Variants in FMN1 observed in about 807,000 individuals in gnomAD.
FMN1 encodes formin 1, also known as formin-1.
A neutral mutation model predicts 132.4 loss-of-function variants in FMN1; 110 were observed. The observed-to-expected ratio is 0.83, with a 90% CI of 0.71 to 0.97. The LOEUF (loss-of-function observed/expected upper bound fraction) is 0.97, where lower values mean the gene tolerates loss of function less well. FMN1 is among the 50% of genes least tolerant of loss of function. The pLI, the probability that FMN1 is intolerant of heterozygous loss-of-function variation, is 0.00. For synonymous variants in FMN1, 722 were observed against 651.7 expected (o/e 1.11, Z -1.64); for missense variants, 1,792 against 1,705.3 (o/e 1.05, Z -0.90).
At chr15:33,124,134 T>A (rs544437246) in intron 4 of FMN1, among the ~76,000 whole-genome samples, 4 of 152,274 alleles carry the variant, frequency 2.6e-5, no homozygotes, top group South Asian at 2.1e-4. Flanking sequence ...TTGAGGATCA[T>A]CTCTAGATCC....
intron 4 of FMN1, among the ~76,000 whole-genome samples, chr15:33,093,700 A>AG (rs1255576814): frequency 6.6e-6 from 1 of 152,186 alleles, no homozygotes; most frequent in South Asian, 2.1e-4. Flanking sequence ...AGAAATGATG[A>AG]ATGAGCAAAG....
intron 4 of FMN1, among the ~76,000 whole-genome samples, chr15:33,089,722 G>C (rs1381102152): frequency 6.6e-6 from 1 of 152,176 alleles, no homozygotes; most frequent in African/African-American, 2.4e-5. Flanking sequence ...CATAAAATCA[G>C]TAAATGGTTA....
intron 16 of FMN1, among the ~76,000 whole-genome samples, chr15:32,875,663 C>G (rs1390271300): frequency 6.6e-6 from 1 of 152,156 alleles, no homozygotes; most frequent in Non-Finnish European, 1.5e-5. Flanking sequence ...ACTCCAGTCC[C>G]CTTTGCAGGG....
chr15:32,981,518 A>AAATAATAATAATAATAATAATAAT (rs34776483), intron 7 of FMN1, among the ~76,000 whole-genome samples: 1 of 140,634 alleles, frequency 7.1e-6, no homozygotes, highest in African/African-American at 2.7e-5. Flanking sequence ...ACTCCATCTC[A>AAATAATAATAATAATAATAATAAT]AATAATAATA....
intron 19 of FMN1, among the ~76,000 whole-genome samples, chr15:32,798,216 A>ACACCCC (rs1286307994): frequency 1.1e-4 from 16 of 140,986 alleles, no homozygotes; most frequent in Middle Eastern, 3.6e-3. Context: ...ACACACACAC[A>ACACCCC]CCCCGTCTAT....
At chr15:33,045,624 TGGACTG>T (rs1187419320) in intron 6 of FMN1, among the ~76,000 whole-genome samples, 1 of 152,200 alleles carries the variant, frequency 6.6e-6, no homozygotes, top group East Asian at 1.9e-4. Flanking sequence ...TGACAGAAAC[TGGACTG>T]GGTCCAGGAT....
At chr15:33,170,788 G>A (rs1480070015) in intron 3 of FMN1, among the ~76,000 whole-genome samples, 1 of 152,102 alleles carries the variant, frequency 6.6e-6, no homozygotes, top group Admixed American at 6.5e-5. Flanking sequence ...ACTGTTGGTG[G>A]AAATGCAAAT....
chr15:33,050,724 A>G (rs559709028), intron 6 of FMN1, among the ~76,000 whole-genome samples: 1 of 152,368 alleles, frequency 6.6e-6, no homozygotes, highest in African/African-American at 2.4e-5. Flanking sequence ...CAGTCCTATC[A>G]AGGTACTCAC....
intron 6 of FMN1, chr15:33,013,146 G>A: frequency 2.5e-6 from 1 of 392,358 alleles, no homozygotes; most frequent in East Asian, 7.0e-5. Context: ...CAACAGGTTT[G>A]TGAACTCAGC....
At chr15:33,174,678 A>G (rs1488331322) in intron 3 of FMN1, among the ~76,000 whole-genome samples, 1 of 152,230 alleles carries the variant, frequency 6.6e-6, no homozygotes, top group Non-Finnish European at 1.5e-5. Flanking sequence ...TTCTAGCCCC[A>G]ATACTAGCCA....
At chr15:33,069,502 T>C (rs968723905) in intron 5 of FMN1, among the ~76,000 whole-genome samples, 1 of 152,190 alleles carries the variant, frequency 6.6e-6, no homozygotes, top group African/African-American at 2.4e-5. Flanking sequence ...AAAATGGAAA[T>C]GGTAGCCATA....
At chr15:33,124,177 G>A (rs575202638) in intron 4 of FMN1, among the ~76,000 whole-genome samples, 1 of 152,250 alleles carries the variant, frequency 6.6e-6, no homozygotes, top group South Asian at 2.1e-4. Flanking sequence ...CATGCAGAGT[G>A]CAAAGGGTGA....
intron 6 of FMN1, chr15:33,012,478 A>G (rs2034784760): frequency 8.5e-7 from 1 of 1,180,698 alleles, no homozygotes; most frequent in Non-Finnish European, 1.2e-6. Context: ...ACATCACCTA[A>G]GAGATTATTT....
intron 17 of FMN1, among the ~76,000 whole-genome samples, chr15:32,818,541 T>C (rs1248504685): frequency 1.3e-5 from 2 of 152,214 alleles, no homozygotes; most frequent in Non-Finnish European, 2.9e-5. Flanking sequence ...TTAGTCTTCC[T>C]ATTTTTGCGC....
At chr15:33,057,814 A>G (rs933814617) in intron 6 of FMN1, among the ~76,000 whole-genome samples, 2 of 152,184 alleles carry the variant, frequency 1.3e-5, no homozygotes, top group African/African-American at 4.8e-5. Context: ...GTTATTTCTC[A>G]GAAATAATTT....
chr15:33,010,129 C>A (rs887518910), intron 6 of FMN1, among the ~76,000 whole-genome samples: 1 of 152,096 alleles, frequency 6.6e-6, no homozygotes, highest in Non-Finnish European at 1.5e-5. Context: ...GGTGATTCAC[C>A]CCCCTCGGCT....
chr15:33,100,485 A>G (rs1323570082), intron 4 of FMN1, among the ~76,000 whole-genome samples: 2 of 151,984 alleles, frequency 1.3e-5, no homozygotes, highest in African/African-American at 2.4e-5. Context: ...TGTTTTGTAC[A>G]TTTTTACATT....
intron 19 of FMN1, among the ~76,000 whole-genome samples, chr15:32,797,596 T>C (rs2057331240): frequency 6.6e-6 from 1 of 152,196 alleles, no homozygotes; most frequent in South Asian, 2.1e-4. Flanking sequence ...ACAATGGTAC[T>C]TTTCTCTGCT....
rs941355678 is a variant in FMN1 at position 33,171,172 on chromosome 15, C to A, written c.-132+9026G>T. Reference sequence around the variant, plus strand: ...TATGTGGGAGCTAAAAAATTGATATCATGTAAGTAGAGAGCAGAATTATAG... The same window carrying A: ...TATGTGGGAGCTAAAAAATTGATATAATGTAAGTAGAGAGCAGAATTATAG... On this transcript the variant is annotated intron_variant, in intron 3 of 20. Coordinates refer to ENST00000616417, the MANE Select transcript of FMN1 (RefSeq NM_001277313.2). Among the ~76,000 whole-genome samples the A allele has an allele frequency of 2.0e-5, 3 of 152,134 alleles. 1 individual carries two copies. Among genetic ancestry groups the A allele is most frequent in the Non-Finnish European group, 4.4e-5 (3 of 67,982 alleles).
Sources: allele counts gnomAD v4.1 joint callset (sites outside exome capture counted in the v4.1 genomes callset), GRCh38; gene constraint gnomAD v4.1.1; transcripts MANE v1.5; gene names NCBI Gene and HGNC (gene_info 2026-07-23, HGNC 2026-07-21).